RPS6KA1: variants seen among roughly 807,000 people sequenced by gnomAD.
RPS6KA1 encodes ribosomal protein S6 kinase alpha-1.
A neutral mutation model predicts 91.3 loss-of-function variants in RPS6KA1; 48 were observed. That is an observed-to-expected ratio of 0.53 (90% CI 0.42 to 0.67). The LOEUF (loss-of-function observed/expected upper bound fraction) is 0.67. Among genes scored for constraint, RPS6KA1 ranks in the 30% least tolerant of loss-of-function variants. The pLI, the probability that RPS6KA1 is intolerant of heterozygous loss-of-function variation, is 0.00. For synonymous variants in RPS6KA1, 359 were observed against 384.7 expected (o/e 0.93, Z 0.78); for missense variants, 719 against 960.5 (o/e 0.75, Z 3.32).
chr1:26,546,130 C>A, intron 2 of RPS6KA1: 1 of 1,429,804 alleles, frequency 7.0e-7, no homozygotes. Flanking sequence ...TTGGGCTGTC[C>A]TGGCCCAGGC....
intron 2 of RPS6KA1, chr1:26,546,027 C>A (rs772201256): frequency 1.4e-5 from 23 of 1,611,124 alleles, no homozygotes; most frequent in Non-Finnish European, 1.9e-5. Flanking sequence ...TGGCCCCCAG[C>A]GGGACTCGGT....
Position 26,529,803 on chromosome 1 carries a change from G to C in RPS6KA1, c.-118G>C, listed in dbSNP as rs1007848615. On this transcript the variant is annotated 5_prime_UTR_variant, in exon 1 of 22. Coordinates refer to ENST00000374168, the MANE Select transcript of RPS6KA1 (RefSeq NM_002953.4). This position sits in a 1 kb window ranked among gnomAD's most constrained non-coding sequence, Gnocchi z 4.2. ...GCGGCGGCGGCGGACGGCCCAGCCG[G>C]AGCGCGAGGGGCTCGGGGGGGCGCG... 1 of 710,072 alleles carries C rather than the reference G, an allele frequency of 1.4e-6. No homozygotes were observed. The highest frequency in any genetic ancestry group is 1.9e-6 in the Non-Finnish European group (1 of 533,276). The allele number at this position is 710,072 out of a possible 1,614,324, so 44.0% of individuals were successfully genotyped here.
Position 26,561,672 on chromosome 1 carries a change from G to A in RPS6KA1, c.1590+9G>A, listed in dbSNP as rs200846377. The A allele has an allele frequency of 3.2e-4, 511 of 1,587,654 alleles. 1 individual carries two copies. The highest frequency in any genetic ancestry group is 2.6e-3 in the East Asian group (114 of 44,546). On this transcript the variant is annotated intron_variant, in intron 17 of 21. Transcript: ENST00000374168. This position sits in a 1 kb window ranked among gnomAD's most constrained non-coding sequence, Gnocchi z 5.7. ...ATCTGCACTCACAGGGGGTGAGTCTGGATTCGGGGAGGCAGTAGGGGGATG... is the reference window on the plus strand; with the variant it reads ...ATCTGCACTCACAGGGGGTGAGTCTAGATTCGGGGAGGCAGTAGGGGGATG...
intron 20 of RPS6KA1, among the ~76,000 whole-genome samples, chr1:26,572,939 G>T (rs1018841552): frequency 1.2e-4 from 18 of 152,368 alleles, no homozygotes; most frequent in African/African-American, 3.8e-4. Context: ...ACCTGAATCT[G>T]TCTGAGCCCA....
At chr1:26,545,622 T>G (rs2075987340) in intron 2 of RPS6KA1, among the ~76,000 whole-genome samples, 1 of 152,160 alleles carries the variant, frequency 6.6e-6, no homozygotes, top group East Asian at 1.9e-4. Flanking sequence ...GCTCAGCAGC[T>G]GCATTGGCAG....
chr1:26,558,751 C>A lies in RPS6KA1; in HGVS notation c.1085-56C>A. On this transcript the variant is annotated intron_variant, in intron 13 of 21. Transcript: ENST00000374168. The surrounding 1 kb of genome is among the most constrained non-coding windows in gnomAD (Gnocchi z 4.0). ...CTGTGCTCCCCCTTTGCTGGGCTGC[C>A]TCAGGGTCGAGGGGACCTCCTCAGG... is the stretch of plus-strand genomic sequence containing the variant. 1 of 1,558,962 alleles carries A rather than the reference C, an allele frequency of 6.4e-7. No individual in the cohort carries two copies. The highest frequency in any genetic ancestry group is 1.2e-5 in the South Asian group (1 of 85,468).
intron 2 of RPS6KA1, among the ~76,000 whole-genome samples, chr1:26,542,354 A>C (rs1053302447): frequency 2.0e-5 from 3 of 152,026 alleles, no homozygotes; most frequent in Non-Finnish European, 4.4e-5. Context: ...ACCCGCAGAG[A>C]CTCTGCAAGG....
intron 2 of RPS6KA1, among the ~76,000 whole-genome samples, chr1:26,539,801 C>T (rs1216948505): frequency 1.3e-5 from 2 of 152,186 alleles, no homozygotes; most frequent in South Asian, 2.1e-4. Flanking sequence ...CTCCATTTGC[C>T]CTCCCTCCCT....
chr1:26,562,129 G>A (rs1449866795), intron 17 of RPS6KA1, among the ~76,000 whole-genome samples: 7 of 152,054 alleles, frequency 4.6e-5, no homozygotes, highest in African/African-American at 1.4e-4. Context: ...GCTTGAACCC[G>A]GGAGGCGGAG....
At chr1:26,559,067 A>C in intron 14 of RPS6KA1, 130 bp downstream of exon 14, 1 of 1,111,918 alleles carries the variant, frequency 9.0e-7, no homozygotes, top group Non-Finnish European at 1.3e-6. Context: ...CTCCAACATA[A>C]AACAGGGACA....
At position 26,574,311 on chromosome 1, in the gene RPS6KA1, G is replaced by T; in HGVS notation, c.*110G>T. Reference sequence around the variant, plus strand: ...GCCAGAGGGAGCTGGAACCCGAGGGGCCGGGGAAGCTGCCAGCCCAGAACA... The same window carrying T: ...GCCAGAGGGAGCTGGAACCCGAGGGTCCGGGGAAGCTGCCAGCCCAGAACA... On this transcript the variant is annotated 3_prime_UTR_variant, in exon 22 of 22. Coordinates refer to ENST00000374168, the MANE Select transcript of RPS6KA1 (RefSeq NM_002953.4). This position sits in a 1 kb window ranked among gnomAD's most constrained non-coding sequence, Gnocchi z 4.3. The T allele has an allele frequency of 7.1e-7, 1 of 1,406,398 alleles. No homozygotes were observed. Among genetic ancestry groups the T allele is most frequent in the East Asian group, 2.3e-5 (1 of 43,770 alleles). 87.1% of individuals were successfully genotyped at this position (1,406,398 alleles called of 1,614,324 possible). A position where few individuals can be genotyped will look rare whatever the true frequency, so the allele number is the denominator to read the frequency against.
In RPS6KA1 at chr1:26,556,706, C is replaced by T. The variant is rs1337305966; in HGVS notation, c.969C>T (p.Thr323=). 4 of 1,614,076 alleles carry T rather than the reference C, an allele frequency of 2.5e-6. No individual in the cohort carries two copies. In the African/African-American group the frequency reaches 4.0e-5, roughly 16 times the overall value. The change falls in exon 12 of 22, where the codon ACC becomes ACT. Residue 323 remains threonine, a synonymous_variant. Transcript: ENST00000374168. ...TCAAGCGGCATGTCTTCTACTCCAC[C>T]ATTGACTGGAATGTGAGTGTGTCCA... ...EEIKRHVFYS[T]IDWNKLYRRE...
chr1:26,531,997 C>G (rs561233688), intron 1 of RPS6KA1, among the ~76,000 whole-genome samples: 33 of 152,160 alleles, frequency 2.2e-4, no homozygotes, highest in Non-Finnish European at 4.6e-4. Flanking sequence ...CTGACCTGCA[C>G]GTACAGGCAC....
intron 1 of RPS6KA1, among the ~76,000 whole-genome samples, chr1:26,534,334 A>G (rs1004156380): frequency 1.3e-5 from 2 of 152,274 alleles, no homozygotes; most frequent in Non-Finnish European, 2.9e-5. Context: ...TTGATGATGG[A>G]CAAGCCATGG....
chr1:26,554,663 G>A lies in RPS6KA1; in HGVS notation c.681G>A (p.Glu227=). Residue 227 remains glutamate, a synonymous_variant, in exon 9 of 22, where the codon GAG becomes GAA. Coordinates refer to ENST00000374168, the MANE Select transcript of RPS6KA1 (RefSeq NM_002953.4). The surrounding 1 kb of genome is among the most constrained non-coding windows in gnomAD (Gnocchi z 4.6). Reference sequence around the variant, plus strand: ...CCTATTCTTTCTGCGGGACAGTGGAGTACATGGCCCCTGAGGTCGTCAACC... The same window carrying A: ...CCTATTCTTTCTGCGGGACAGTGGAATACATGGCCCCTGAGGTCGTCAACC... ...KKAYSFCGTV[E]YMAPEVVNRQ... is the part of the protein sequence containing the mutation. 4 of 1,613,780 alleles carry A rather than the reference G, an allele frequency of 2.5e-6. No individual in the cohort carries two copies. The highest frequency in any genetic ancestry group is 1.3e-5 in the African/African-American group (1 of 75,040).
intron 2 of RPS6KA1, among the ~76,000 whole-genome samples, chr1:26,542,602 T>C (rs1166262026): frequency 6.6e-6 from 1 of 152,230 alleles, no homozygotes; most frequent in Non-Finnish European, 1.5e-5. Flanking sequence ...TCAGGCTTTC[T>C]GCCCGCCTTA....
chr1:26,532,176 TG>T (rs2075872668), intron 1 of RPS6KA1, among the ~76,000 whole-genome samples: 1 of 151,998 alleles, frequency 6.6e-6, no homozygotes, highest in Non-Finnish European at 1.5e-5. Flanking sequence ...GAGTAATCTA[TG>T]GGAAGCGTGG....
intron 1 of RPS6KA1, among the ~76,000 whole-genome samples, chr1:26,531,743 G>C (rs556555338): frequency 6.6e-6 from 1 of 152,270 alleles, no homozygotes; most frequent in African/African-American, 2.4e-5. Context: ...GCCTGTCTGG[G>C]CCTCTGCTTC....
chr1:26,569,816 G>A (rs1338401790), intron 17 of RPS6KA1, among the ~76,000 whole-genome samples: 1 of 152,202 alleles, frequency 6.6e-6, no homozygotes, highest in Admixed American at 6.5e-5. Flanking sequence ...GGTTATGATC[G>A]TTACCGAAGG....
Sources: gnomAD v4.1 joint callset for allele counts (sites outside exome capture counted in the v4.1 genomes callset) on GRCh38, gnomAD v4.1.1 for gene constraint, Gnocchi (gnomAD v3.1) non-coding constraint, MANE v1.5 for transcripts, NCBI Gene and HGNC (gene_info 2026-07-23, HGNC 2026-07-21) for gene names.